ANGPT1: variants seen among roughly 807,000 people sequenced by gnomAD.
ANGPT1 encodes angiopoietin 1.
Under a neutral mutation model 62.2 loss-of-function variants are expected in ANGPT1, and 17 were observed. That is an observed-to-expected ratio of 0.27 (90% confidence interval 0.19 to 0.41). The LOEUF (loss-of-function observed/expected upper bound fraction) is 0.41, where lower values mean the gene tolerates loss of function less well. ANGPT1 is among the 10% of genes least tolerant of loss of function. The probability of loss-of-function intolerance (pLI) is 1.00; values close to 1 mark genes in which losing one functional copy is unlikely to be tolerated. For missense variants in ANGPT1, 478 were observed against 594.9 expected, an observed-to-expected ratio of 0.80 and a Z score of 2.04; for synonymous variants, 199 against 198.9, an observed-to-expected ratio of 1.00 and a Z score of 0.00.
intron 8 of ANGPT1, among the ~76,000 whole-genome samples, chr8:107,260,377 T>C (rs1813463908): frequency 1.3e-5 from 2 of 152,042 alleles, no homozygotes; most frequent in South Asian, 2.1e-4. Context: ...TAATTGATGA[T>C]GACAAAGAGC....
intron 1 of ANGPT1, among the ~76,000 whole-genome samples, chr8:107,434,595 A>T (rs1586319572): frequency 7.0e-6 from 1 of 143,258 alleles, no homozygotes; most frequent in African/African-American, 2.7e-5. Flanking sequence ...GACAAACTTT[A>T]AAAAAAAAGA....
chr8:107,423,087 G>A (rs112205989), intron 1 of ANGPT1, among the ~76,000 whole-genome samples: 11 of 152,174 alleles, frequency 7.2e-5, no homozygotes, highest in Non-Finnish European at 1.3e-4. Flanking sequence ...TTTAAGAGCT[G>A]TATGTGCACA....
intron 8 of ANGPT1, among the ~76,000 whole-genome samples, chr8:107,254,936 C>T (rs747387098): frequency 6.6e-6 from 1 of 151,920 alleles, no homozygotes; most frequent in Non-Finnish European, 1.5e-5. Context: ...TTAGAGTCCT[C>T]ATTCTCTACG....
chr8:107,365,326 C>G (rs1046411355), intron 1 of ANGPT1, among the ~76,000 whole-genome samples: 3 of 152,130 alleles, frequency 2.0e-5, no homozygotes, highest in African/African-American at 7.2e-5. Flanking sequence ...TGCTCTCCCC[C>G]ATGAGAAGTA....
At chr8:107,282,552 C>CTATA (rs1814036865) in intron 7 of ANGPT1, among the ~76,000 whole-genome samples, 3 of 25,884 alleles carry the variant, frequency 1.2e-4, no homozygotes, top group Non-Finnish European at 1.6e-4. Context: ...CATATATGAA[C>CTATA]CATATATATA....
At chr8:107,458,181 T>C (rs1811974562) in intron 1 of ANGPT1, among the ~76,000 whole-genome samples, 1 of 152,172 alleles carries the variant, frequency 6.6e-6, no homozygotes, top group Non-Finnish European at 1.5e-5. Context: ...ATCTGCTAAC[T>C]GGCCTTCTGG....
chr8:107,383,808 G>A (rs1202348888), intron 1 of ANGPT1, among the ~76,000 whole-genome samples: 1 of 152,094 alleles, frequency 6.6e-6, no homozygotes, highest in Non-Finnish European at 1.5e-5. Context: ...AGCCCTGCAA[G>A]CATATTGTTC....
At chr8:107,370,926 A>G (rs111238030) in intron 1 of ANGPT1, among the ~76,000 whole-genome samples, 1 of 152,110 alleles carries the variant, frequency 6.6e-6, no homozygotes, top group African/African-American at 2.4e-5. Context: ...AAATGGTGTC[A>G]ATAGACTTGC....
At chr8:107,347,818 C>T (rs1433178) in intron 1 of ANGPT1, among the ~76,000 whole-genome samples, 33,723 of 152,080 alleles carry the variant, frequency 0.22, 4,475 homozygotes, top group African/African-American at 0.36. Context: ...GTATTTACTC[C>T]TCTTGCTTTG....
chr8:107,370,407 A>AGAAAGAGT lies in ANGPT1; in HGVS notation c.298-23311_298-23310insACTCTTTC, dbSNP rs149930759. ...AAGAAAGAAAGAAAGAAAGAAAGAA[A>AGAAAGAGT]GAGTCAGGGTCAGTGGCTCAGGCCT... On this transcript the variant is annotated intron_variant, in intron 1 of 8. Transcript: ENST00000517746. Among the ~76,000 whole-genome samples the AGAAAGAGT allele has an allele frequency of 2.8e-5, 2 of 71,940 alleles. 1 individual carries two copies. The highest frequency in any genetic ancestry group is 9.5e-5 in the African/African-American group (2 of 21,004). 47.2% of individuals were successfully genotyped at this position (71,940 alleles called of 152,430 possible). A position where few individuals can be genotyped will look rare whatever the true frequency, so the allele number is the denominator to read the frequency against.
At chr8:107,428,738 C>G (rs1398517432) in intron 1 of ANGPT1, among the ~76,000 whole-genome samples, 2 of 152,128 alleles carry the variant, frequency 1.3e-5, no homozygotes, top group Non-Finnish European at 2.9e-5. Flanking sequence ...TTGATAGCCA[C>G]AGCATCAGTA....
At chr8:107,256,271 T>A (rs961788760) in intron 8 of ANGPT1, among the ~76,000 whole-genome samples, 1 of 152,216 alleles carries the variant, frequency 6.6e-6, no homozygotes, top group African/African-American at 2.4e-5. Context: ...TAATTACTTC[T>A]GTGTAGGCAA....
chr8:107,290,386 G>A (rs1272109973), intron 6 of ANGPT1, among the ~76,000 whole-genome samples: 1 of 152,048 alleles, frequency 6.6e-6, no homozygotes, highest in Non-Finnish European at 1.5e-5. Context: ...AGAAGAGTTG[G>A]GGCATGCCAA....
chr8:107,314,822 T>C (rs1303526074), intron 4 of ANGPT1, among the ~76,000 whole-genome samples: 3 of 152,222 alleles, frequency 2.0e-5, no homozygotes, highest in Non-Finnish European at 4.4e-5. Flanking sequence ...GAAACTGATA[T>C]ATTCCATTTT....
intron 1 of ANGPT1, among the ~76,000 whole-genome samples, chr8:107,388,521 C>T (rs183971663): frequency 6.6e-6 from 1 of 152,190 alleles, no homozygotes; most frequent in East Asian, 1.9e-4. Context: ...TAAACAGAAG[C>T]TTATTCTGAG....
intron 8 of ANGPT1, among the ~76,000 whole-genome samples, chr8:107,263,774 T>C (rs139028016): frequency 6.6e-6 from 1 of 152,340 alleles, no homozygotes; most frequent in Non-Finnish European, 1.5e-5. Context: ...GTCTGAACTG[T>C]GTTACCTTTG....
chr8:107,373,344 T>A (rs1259893360), intron 1 of ANGPT1, among the ~76,000 whole-genome samples: 1 of 152,140 alleles, frequency 6.6e-6, no homozygotes, highest in Non-Finnish European at 1.5e-5. Context: ...GAAGGAACAC[T>A]GTCTTTTTAC....
At chr8:107,274,306 T>C (rs1177861244) in intron 7 of ANGPT1, among the ~76,000 whole-genome samples, 1 of 152,116 alleles carries the variant, frequency 6.6e-6, no homozygotes, top group African/African-American at 2.4e-5. Context: ...GGTAAGTGTA[T>C]GGTGGTTGGC....
intron 1 of ANGPT1, among the ~76,000 whole-genome samples, chr8:107,390,654 G>A (rs1166187864): frequency 3.3e-5 from 5 of 152,128 alleles, no homozygotes; most frequent in African/African-American, 1.2e-4. Context: ...TACTATTCAT[G>A]TATTTAATAA....
Sources: gnomAD v4.1 joint callset for allele counts (sites outside exome capture counted in the v4.1 genomes callset) on GRCh38, gnomAD v4.1.1 for gene constraint, MANE v1.5 for transcripts, NCBI Gene and HGNC (gene_info 2026-07-23, HGNC 2026-07-21) for gene names.